The following DNAH3 variants were observed in gnomAD, a reference collection of about 807,000 sequenced individuals.
DNAH3 encodes axonemal beta dynein heavy chain 3.
A neutral mutation model predicts 432.5 loss-of-function variants in DNAH3; 332 were observed. The ratio of observed to expected loss-of-function variants is 0.77; its 90% confidence interval spans 0.70 to 0.84. DNAH3 has a LOEUF of 0.84. DNAH3 is among the 40% of genes least tolerant of loss of function. The probability of loss-of-function intolerance (pLI) is 0.00; values close to 1 mark genes in which losing one functional copy is unlikely to be tolerated. For synonymous variants in DNAH3, 1,956 were observed against 1,900.2 expected (o/e 1.03, Z -0.76); for missense variants, 4,861 against 5,114.0 (o/e 0.95, Z 1.51).
rs143443640 is a variant in DNAH3 at position 21,051,863 on chromosome 16, C to T, written c.4045G>A (p.Asp1349Asn). 1.9e-4 allele frequency: 314 copies of T among 1,614,166 alleles called. 2 individuals are homozygous for T. In the East Asian group the frequency reaches 5.4e-3, roughly 28 times the overall value. ...TCCTCAGATAACTTGGCCACCACGT[C>T]GCGGGCTGTTGGGACACAGATGCAG... The change falls in exon 29 of 62, where the codon GAC (aspartate) becomes AAC (asparagine). Residue 1349 changes from aspartate (D) to asparagine (N), a missense_variant. Coordinates refer to ENST00000261383, the Ensembl canonical transcript of DNAH3.
chr16:21,041,023 T>C (rs1887498020), intron 32 of DNAH3, among the ~76,000 whole-genome samples: 1 of 152,104 alleles, frequency 6.6e-6, no homozygotes, highest in African/African-American at 2.4e-5. Flanking sequence ...CGATCTAATA[T>C]GGCTGTTGGC....
chr16:20,969,703 T>C (rs750473326), intron 52 of DNAH3, 89 bp downstream of exon 52: 123 of 1,430,034 alleles, frequency 8.6e-5, no homozygotes, highest in South Asian at 2.3e-5. Context: ...CCTGCACGCC[T>C]GCAGTCGACT....
intron 34 of DNAH3, among the ~76,000 whole-genome samples, 168 bp downstream of exon 34, chr16:21,037,593 C>T (rs1028144060): frequency 6.6e-6 from 1 of 152,136 alleles, no homozygotes; most frequent in African/African-American, 2.4e-5. Context: ...GAGATGTTTG[C>T]TATCTATCAC....
chr16:20,959,294 T>C (rs1216195792), exon 54 of DNAH3: 9 of 1,614,200 alleles, frequency 5.6e-6, no homozygotes, highest in Non-Finnish European at 7.6e-6. Context: ...GTCCCGTCTT[T>C]GATGGCATTG....
chr16:21,155,516 G>A (rs940102734), intron 1 of DNAH3, among the ~76,000 whole-genome samples: 6 of 151,200 alleles, frequency 4.0e-5, no homozygotes, highest in African/African-American at 1.2e-4. Flanking sequence ...CAGCTACTCC[G>A]GAGGCTTTGG....
At position 21,103,355 on chromosome 16, in the gene DNAH3, G is replaced by GT. The variant is rs112738581; in HGVS notation, c.2366+1115_2366+1116insA. On this transcript the variant is annotated intron_variant, in intron 16 of 61. Transcript: ENST00000261383. ...AAAAGGGTGTAGAGGGTGTGTGTGT[G>GT]GGGGGGGGCAGGGTGGGGGAGTTGG... 5.5e-3 allele frequency among the ~76,000 whole-genome samples: 517 copies of GT among 93,992 alleles called. 2 individuals are homozygous for GT. The highest frequency in any genetic ancestry group is 0.017 in the African/African-American group (484 of 28,036). 61.7% of individuals were successfully genotyped at this position (93,992 alleles called of 152,430 possible). A position where few individuals can be genotyped will look rare whatever the true frequency, so the allele number is the denominator to read the frequency against.
At chr16:21,008,221 T>C (rs2087412976) in intron 41 of DNAH3, among the ~76,000 whole-genome samples, 1 of 152,182 alleles carries the variant, frequency 6.6e-6, no homozygotes, top group African/African-American at 2.4e-5. Context: ...CTCTCTCTGA[T>C]GTGTGCATGA....
rs771214193 is a variant in DNAH3, at chr16:21,006,124, T to C, written c.6023-2917A>G. 2.0e-5 allele frequency among the ~76,000 whole-genome samples: 3 copies of C among 152,206 alleles called. No individual in the cohort carries two copies. The East Asian group carries it at 5.8e-4, about 29-fold the overall frequency. On this transcript the variant is annotated intron_variant, in intron 41 of 61. Coordinates refer to ENST00000261383, the Ensembl canonical transcript of DNAH3. Reference sequence around the variant, plus strand: ...TATCAATTGTATTGTCTCTGATTACTTCAATGTTTTTCTCTTCTGTTGTAT... The same window carrying C: ...TATCAATTGTATTGTCTCTGATTACCTCAATGTTTTTCTCTTCTGTTGTAT...
intron 41 of DNAH3, among the ~76,000 whole-genome samples, chr16:21,018,055 T>G (rs917771598): frequency 1.3e-5 from 2 of 152,156 alleles, no homozygotes; most frequent in African/African-American, 4.8e-5. Flanking sequence ...CATAAATACT[T>G]TGGCGTGCTT....
intron 27 of DNAH3, among the ~76,000 whole-genome samples, chr16:21,055,621 A>ATTT (rs2090105511): frequency 6.6e-6 from 1 of 152,176 alleles, no homozygotes; most frequent in Non-Finnish European, 1.5e-5. Flanking sequence ...AGAAAACTTA[A>ATTT]AAAGGAAAAA....
chr16:21,060,535 T>G (rs867861186), intron 25 of DNAH3, among the ~76,000 whole-genome samples, 179 bp from the exon 26 acceptor site: 21 of 138,592 alleles, frequency 1.5e-4, no homozygotes, highest in Non-Finnish European at 2.7e-4. Context: ...TCTTTTTTTT[T>G]TTTTTTTTGA....
intron 44 of DNAH3, among the ~76,000 whole-genome samples, chr16:20,991,029 CAAACAAAAAACA>C (rs963489220): frequency 6.6e-6 from 1 of 151,950 alleles, no homozygotes; most frequent in African/African-American, 2.4e-5. Context: ...TCAAAACAAA[CAAACAAAAAACA>C]AAACAAAACA....
At chr16:21,148,152 T>C (rs2092808881) in intron 1 of DNAH3, among the ~76,000 whole-genome samples, 1 of 152,168 alleles carries the variant, frequency 6.6e-6, no homozygotes, top group East Asian at 1.9e-4. Flanking sequence ...GACTATTAGC[T>C]GTCCCTCTGC....
chr16:20,988,177 G>C lies in DNAH3; in HGVS notation c.6602-112C>G, dbSNP rs1037815974. 4 of 1,400,990 alleles carry C rather than the reference G, an allele frequency of 2.9e-6. No homozygotes were observed. The African/African-American group carries it at 5.7e-5, about 20-fold the overall frequency. 86.8% of individuals were successfully genotyped at this position (1,400,990 alleles called of 1,614,324 possible). ...TTGCCTTCTGCCTTCATGTTCCAGA[G>C]CTGTGCTGTGCAATATGGCAACCTC... On this transcript the variant is annotated intron_variant, in intron 44 of 61. Coordinates refer to ENST00000261383, the Ensembl canonical transcript of DNAH3.
At chr16:20,959,340 G>T in exon 54 of DNAH3, 1 of 1,614,180 alleles carries the variant, frequency 6.2e-7, no homozygotes, top group Non-Finnish European at 8.5e-7. Flanking sequence ...CTTGGCCTTG[G>T]CCAAGGGAGA....
chr16:20,963,364 T>G lies in DNAH3; in HGVS notation c.10520A>C (p.Asp3507Ala), dbSNP rs2084908303. The change falls in exon 53 of 62, where the codon GAT (aspartate) becomes GCT (alanine). Residue 3507 changes from aspartate (D) to alanine (A), a missense_variant. Coordinates refer to ENST00000261383, the Ensembl canonical transcript of DNAH3. ...GGAATCATTGTAGGATCCCTGGAGA[T>G]CGAACGTAGGGGCTTCGATATACAG... 3.7e-6 allele frequency: 6 copies of G among 1,614,034 alleles called. No individual in the cohort carries two copies. In the African/African-American group the frequency reaches 6.7e-5, roughly 18 times the overall value.
intron 41 of DNAH3, among the ~76,000 whole-genome samples, chr16:21,018,255 G>GT (rs1381782016): frequency 1.3e-5 from 2 of 151,992 alleles, no homozygotes; most frequent in African/African-American, 4.8e-5. Context: ...CTTGATACAT[G>GT]TTTTTTTACA....
intron 52 of DNAH3, 140 bp downstream of exon 52, chr16:20,969,652 G>T: frequency 2.1e-6 from 2 of 970,126 alleles, no homozygotes; most frequent in Non-Finnish European, 3.1e-6. Flanking sequence ...CACACACACA[G>T]CCTGGTTCCT....
rs2092426539 is a variant in DNAH3, at chr16:21,125,386, G to A, written c.1209-16C>T. The A allele has an allele frequency of 1.3e-6, 2 of 1,565,338 alleles. No individual in the cohort carries two copies. Among genetic ancestry groups the A allele is most frequent in the Admixed American group, 1.8e-5 (1 of 55,318 alleles). ...GGGGATCCACCTGTAAAGACAGAAG[G>A]GTGTCCATGTGAGAAGCTCTTCTGG... On this transcript the variant is annotated splice_polypyrimidine_tract_variant and intron_variant, in intron 8 of 61. Coordinates refer to ENST00000261383, the Ensembl canonical transcript of DNAH3.
Sources: gnomAD v4.1 joint callset for allele counts (sites outside exome capture counted in the v4.1 genomes callset) on GRCh38, gnomAD v4.1.1 for gene constraint, MANE v1.5 for transcripts, NCBI Gene and HGNC (gene_info 2026-07-23, HGNC 2026-07-21) for gene names.